PIGH: variants seen among roughly 807,000 people sequenced by gnomAD.
PIGH encodes phosphatidylinositol N-acetylglucosaminyltransferase subunit H.
Under a neutral mutation model 20.1 loss-of-function variants are expected in PIGH, and 11 were observed. The ratio of observed to expected loss-of-function variants is 0.55; its 90% CI spans 0.34 to 0.91. PIGH has a LOEUF of 0.91. Among genes scored for constraint, PIGH ranks in the 40% least tolerant of loss-of-function variants. The pLI is 0.02. For missense variants in PIGH, 189 were observed against 233.6 expected (o/e 0.81, Z 1.24); for synonymous variants, 72 against 93.1 (o/e 0.77, Z 1.31).
intron 3 of PIGH, 86 bp from the exon 4 acceptor site, chr14:67,590,258 T>TC: frequency 8.6e-7 from 1 of 1,169,474 alleles, no homozygotes; most frequent in East Asian, 2.7e-5. Context: ...AATTTTTTTT[T>TC]TTTTTTTTTT....
intron 3 of PIGH, among the ~76,000 whole-genome samples, chr14:67,591,443 T>C (rs1196494608): frequency 6.6e-6 from 1 of 152,228 alleles, no homozygotes; most frequent in African/African-American, 2.4e-5. Flanking sequence ...AAATCCTTTG[T>C]GAAAAAGGTC....
intron 3 of PIGH, chr14:67,592,281 A>T (rs908871671): frequency 2.4e-6 from 1 of 408,552 alleles, no homozygotes; most frequent in South Asian, 1.9e-5. Context: ...CTAAAAATAA[A>T]AAAAAAAAAT....
intron 1 of PIGH, among the ~76,000 whole-genome samples, chr14:67,596,164 C>T (rs1594809834): frequency 1.3e-5 from 2 of 151,964 alleles, no homozygotes; most frequent in Non-Finnish European, 2.9e-5. Context: ...GAATTTCACT[C>T]GTTTCCCTGG....
Position 67,589,484 on chromosome 14 carries a change from G to A in PIGH, c.*596C>T. ...TATTAATGTGCTTGACACCATGACTGAAATACTATGATCTTGTTTGTCAAT... is the reference window on the plus strand; with the variant it reads ...TATTAATGTGCTTGACACCATGACTAAAATACTATGATCTTGTTTGTCAAT... On this transcript the variant is annotated 3_prime_UTR_variant, in exon 4 of 4. Coordinates refer to ENST00000216452, the MANE Select transcript of PIGH (RefSeq NM_004569.5). 1 of 984,840 alleles carries A rather than the reference G, an allele frequency of 1.0e-6. No homozygotes were observed. Among genetic ancestry groups the A allele is most frequent in the Non-Finnish European group, 1.2e-6 (1 of 829,418 alleles). The allele number at this position is 984,840 out of a possible 1,614,324, so 61.0% of individuals were successfully genotyped here.
intron 3 of PIGH, 76 bp from the exon 4 acceptor site, chr14:67,590,248 A>AT: frequency 2.3e-5 from 27 of 1,178,218 alleles, no homozygotes; most frequent in South Asian, 8.8e-5. Context: ...TCCACTTGCA[A>AT]ATTTTTTTTT....
At chr14:67,595,427 T>C (rs2036455611) in intron 1 of PIGH, among the ~76,000 whole-genome samples, 1 of 152,212 alleles carries the variant, frequency 6.6e-6, no homozygotes, top group African/African-American at 2.4e-5. Flanking sequence ...TGCAAAATCA[T>C]AGACTGAACA....
chr14:67,594,008 C>G (rs2036425254), intron 1 of PIGH, 56 bp from the exon 2 acceptor site: 1 of 1,198,856 alleles, frequency 8.3e-7, no homozygotes, highest in African/African-American at 1.5e-5. Flanking sequence ...CAGTCAACTC[C>G]AGGCAATGAG....
intron 1 of PIGH, among the ~76,000 whole-genome samples, chr14:67,599,541 C>G (rs2036535291): frequency 6.6e-6 from 1 of 152,148 alleles, no homozygotes; most frequent in South Asian, 2.1e-4. Flanking sequence ...AACTATAACA[C>G]TCTATCTATA....
Position 67,593,820 on chromosome 14 carries a change from C to T in PIGH, c.313G>A (p.Ala105Thr). The T allele has an allele frequency of 6.8e-6, 11 of 1,613,608 alleles. No individual in the cohort carries two copies. Among genetic ancestry groups the T allele is most frequent in the Non-Finnish European group, 8.5e-6 (10 of 1,179,556 alleles). Residue 105 changes from alanine to threonine, a missense_variant, in exon 2 of 4, where the codon GCT becomes ACT. Ala to Thr is a moderately conservative substitution (Grantham distance 58). Transcript: ENST00000216452. ...SLGIQMTSSY[A>T]SGKESTTFIE... ...AAGGTAGTGCTTTCTTTGCCTGAAG[C>T]ATAAGATGAAGTCATCTGAATGCCA...
Position 67,590,158 on chromosome 14 carries a change from C to A in PIGH, c.489G>T (p.Arg163=). Residue 163 remains arginine (R), a synonymous_variant, in exon 4 of 4, where the codon CGG becomes CGT. Transcript: ENST00000216452. The part of the protein sequence containing the change: ...VVPVFQSAKP[R]LDCLIEVYRS... ...TGTATACTTCAATCAAGCAGTCCAG[C>A]CGGGGCTTGGCACTCTGAATTCCAA... 6.4e-7 allele frequency: 1 copy of A among 1,550,600 alleles called. No individual in the cohort carries two copies. Among genetic ancestry groups the A allele is most frequent in the Non-Finnish European group, 8.7e-7 (1 of 1,146,650 alleles).
rs1594807770 is a variant in PIGH at position 67,593,141 on chromosome 14, T to C, written c.391-423A>G. 4 of 164,698 alleles carry C rather than the reference T, an allele frequency of 2.4e-5. No individual in the cohort carries two copies. In the South Asian group the frequency reaches 6.5e-4, roughly 27 times the overall value. 10.2% of individuals were successfully genotyped at this position (164,698 alleles called of 1,614,324 possible). ...CACTTTTTCACAAATGTTTAAGTAGTAGAACACTTGATAGCTTTTGAAGTG... is the reference window on the plus strand; with the variant it reads ...CACTTTTTCACAAATGTTTAAGTAGCAGAACACTTGATAGCTTTTGAAGTG... On this transcript the variant is annotated intron_variant, in intron 2 of 3. Transcript: ENST00000216452.
In PIGH at chr14:67,592,673, C is replaced by A; in HGVS notation, c.436G>T (p.Glu146Ter). 1 of 1,609,366 alleles carries A rather than the reference C, an allele frequency of 6.2e-7. No individual in the cohort carries two copies. Among genetic ancestry groups the A allele is most frequent in the Non-Finnish European group, 8.5e-7 (1 of 1,177,328 alleles). Residue 146 changes from glutamate to a stop codon, truncating the protein, a stop_gained, in exon 3 of 4, where the codon GAA becomes TAA. Coordinates refer to ENST00000216452, the MANE Select transcript of PIGH (RefSeq NM_004569.5). LOFTEE classifies it high-confidence loss of function. The part of the protein sequence containing the change: ...YLCILLKDPV[E>*]PHGISQVVPV... ...ACTACTTGGGATATCCCATGTGGTT[C>A]CACTGGATCTTTCAATAAGATGCAG... is the stretch of plus-strand genomic sequence containing the variant.
chr14:67,595,002 T>A (rs1344114585), intron 1 of PIGH, among the ~76,000 whole-genome samples: 1 of 151,932 alleles, frequency 6.6e-6, no homozygotes, highest in Non-Finnish European at 1.5e-5. Flanking sequence ...CCGGGCGTAG[T>A]GGCAGGCACC....
chr14:67,597,632 C>G (rs2140641708), intron 1 of PIGH, among the ~76,000 whole-genome samples: 2 of 151,838 alleles, frequency 1.3e-5, no homozygotes, highest in African/African-American at 4.8e-5. Context: ...ATTGAATAAG[C>G]ATTAAGAAGA....
At position 67,592,803 on chromosome 14, in the gene PIGH, T is replaced by G. The variant is rs183112362; in HGVS notation, c.391-85A>C. The G allele has an allele frequency of 2.3e-4, 206 of 880,022 alleles. No homozygotes were observed. The African/African-American group carries it at 3.1e-3, about 13-fold the overall frequency. The allele number at this position is 880,022 out of a possible 1,614,324, so 54.5% of individuals were successfully genotyped here. On this transcript the variant is annotated intron_variant, in intron 2 of 3. Transcript: ENST00000216452. ...TCTTTTTCCTTTATTTATTTATTTT[T>G]GAGACAGAGTCTCTCTCTGTTGCCC...
Position 67,593,815 on chromosome 14 carries a change from T to C in PIGH, c.318A>G (p.Ser106=). The change falls in exon 2 of 4, where the codon TCA becomes TCG. Residue 106 remains serine, a synonymous_variant. Transcript: ENST00000216452. ...LGIQMTSSYA[S]GKESTTFIEM... ...CTATGAAGGTAGTGCTTTCTTTGCC[T>C]GAAGCATAAGATGAAGTCATCTGAA... 6.2e-7 allele frequency: 1 copy of C among 1,613,626 alleles called. No homozygotes were observed. The highest frequency in any genetic ancestry group is 2.2e-5 in the East Asian group (1 of 44,876).
At chr14:67,590,403 C>T (rs1489153890) in intron 3 of PIGH, among the ~76,000 whole-genome samples, 1 of 152,166 alleles carries the variant, frequency 6.6e-6, no homozygotes, top group Non-Finnish European at 1.5e-5. Context: ...CAGGTGCTCG[C>T]CACCACGCCC....
intron 1 of PIGH, among the ~76,000 whole-genome samples, chr14:67,599,577 G>A (rs2036536208): frequency 6.6e-6 from 1 of 152,166 alleles, no homozygotes; most frequent in Non-Finnish European, 1.5e-5. Context: ...ACACACTTGT[G>A]GAGGCAAAGA....
In PIGH at chr14:67,597,676, T is replaced by C. The variant is rs571729968; in HGVS notation, c.180+2348A>G. ...GAATACAATTCAGCCCTGACCCTTA[T>C]AGATGTATTAAAGGCAAGATTAATA... On this transcript the variant is annotated intron_variant, in intron 1 of 3. Coordinates refer to ENST00000216452, the MANE Select transcript of PIGH (RefSeq NM_004569.5). Among the ~76,000 whole-genome samples, 5 of 152,020 alleles carry C rather than the reference T, an allele frequency of 3.3e-5. No homozygotes were observed. In the South Asian group the frequency reaches 6.2e-4, roughly 19 times the overall value.
Sources: allele counts gnomAD v4.1 joint callset (sites outside exome capture counted in the v4.1 genomes callset), GRCh38; gene constraint gnomAD v4.1.1; transcripts MANE v1.5; gene names NCBI Gene and HGNC (gene_info 2026-07-23, HGNC 2026-07-21).